LMNB1: variants seen among roughly 807,000 people sequenced by gnomAD.
LMNB1 encodes the protein lamin-B1.
Under a neutral mutation model 67.1 loss-of-function variants are expected in LMNB1, and 23 were observed. That is an observed-to-expected ratio of 0.34 (90% CI 0.25 to 0.49). The LOEUF is 0.49. Among genes scored for constraint, LMNB1 ranks in the 20% least tolerant of loss-of-function variants. The probability of loss-of-function intolerance (pLI) is 0.99; values close to 1 mark genes in which losing one functional copy is unlikely to be tolerated. For synonymous variants in LMNB1, 281 were observed against 282.9 expected, an observed-to-expected ratio of 0.99 and a Z score of 0.07; for missense variants, 634 against 746.5, an observed-to-expected ratio of 0.85 and a Z score of 1.76.
intron 1 of LMNB1, 62 bp from the exon 2 acceptor site, chr5:126,804,714 A>T (rs1751372814): frequency 2.1e-5 from 31 of 1,452,912 alleles, no homozygotes; most frequent in Non-Finnish European, 2.7e-5. Flanking sequence ...TTCAGCAGAG[A>T]GGGAGAAGAC....
At chr5:126,782,372 A>T (rs1288067645) in intron 1 of LMNB1, among the ~76,000 whole-genome samples, 1 of 152,168 alleles carries the variant, frequency 6.6e-6, no homozygotes, top group African/African-American at 2.4e-5. Context: ...GTTAGGGTAG[A>T]TAGAGTTAGC....
chr5:126,806,843 T>A (rs1411976608), intron 3 of LMNB1, among the ~76,000 whole-genome samples: 1 of 152,032 alleles, frequency 6.6e-6, no homozygotes, highest in Non-Finnish European at 1.5e-5. Flanking sequence ...AGTGGCATGA[T>A]CTTGGCTCAC....
At chr5:126,781,198 A>G (rs534135426) in intron 1 of LMNB1, among the ~76,000 whole-genome samples, 1 of 152,220 alleles carries the variant, frequency 6.6e-6, no homozygotes, top group African/African-American at 2.4e-5. Context: ...CTGAGGCAGG[A>G]GGCATTGCTT....
intron 1 of LMNB1, among the ~76,000 whole-genome samples, chr5:126,787,546 A>ATATATATATATATATTTTTTTTTTTT: frequency 1.5e-5 from 1 of 65,570 alleles, no homozygotes; most frequent in African/African-American, 6.6e-5. Flanking sequence ...ATATATATAT[A>ATATATATATATATATTTTTTTTTTTT]TTTTTTTTTT....
chr5:126,793,799 C>T (rs568086075), intron 1 of LMNB1, among the ~76,000 whole-genome samples: 5 of 152,024 alleles, frequency 3.3e-5, no homozygotes, highest in Non-Finnish European at 7.4e-5. Context: ...TCACTTAAAC[C>T]CGGAAGGCGG....
At chr5:126,786,279 C>T (rs1053541282) in intron 1 of LMNB1, among the ~76,000 whole-genome samples, 4 of 151,728 alleles carry the variant, frequency 2.6e-5, no homozygotes, top group African/African-American at 7.3e-5. Flanking sequence ...CCCGCCACTA[C>T]GCCCGGCTAA....
chr5:126,818,895 A>G, intron 5 of LMNB1, 27 bp from the exon 6 acceptor site: 1 of 1,519,122 alleles, frequency 6.6e-7, no homozygotes, highest in Non-Finnish European at 9.1e-7. Flanking sequence ...GTTCCTAGAA[A>G]GTAAATATGT....
intron 9 of LMNB1, 144 bp from the exon 10 acceptor site, chr5:126,832,549 CT>C: frequency 1.9e-6 from 1 of 519,674 alleles, no homozygotes; most frequent in Non-Finnish European, 3.6e-6. Flanking sequence ...ATCTGCCTGC[CT>C]TGGCCTCCCA....
At chr5:126,805,177 A>C (rs1005553170) in intron 2 of LMNB1, among the ~76,000 whole-genome samples, 7 of 152,162 alleles carry the variant, frequency 4.6e-5, no homozygotes, top group East Asian at 3.8e-4. Flanking sequence ...CCTATTGTGC[A>C]CACACTCATT....
intron 1 of LMNB1, among the ~76,000 whole-genome samples, chr5:126,794,023 C>G (rs1751029228): frequency 6.6e-6 from 1 of 152,072 alleles, no homozygotes; most frequent in African/African-American, 2.4e-5. Flanking sequence ...CTACCTCCAT[C>G]TCCTGGGTTC....
chr5:126,821,965 C>G (rs1751880802), intron 7 of LMNB1, among the ~76,000 whole-genome samples: 3 of 151,044 alleles, frequency 2.0e-5, no homozygotes, highest in Admixed American at 2.0e-4. Flanking sequence ...TAATGAGCAC[C>G]AACAGTTTTA....
At chr5:126,835,960 C>T (rs1264820048) in intron 10 of LMNB1, among the ~76,000 whole-genome samples, 1 of 152,094 alleles carries the variant, frequency 6.6e-6, no homozygotes, top group Non-Finnish European at 1.5e-5. Flanking sequence ...GCATGAGAAT[C>T]GCTTGAACCC....
chr5:126,787,455 TA>T (rs1750819729), intron 1 of LMNB1, among the ~76,000 whole-genome samples: 1 of 148,576 alleles, frequency 6.7e-6, no homozygotes, highest in East Asian at 1.9e-4. Context: ...ATGTTATATA[TA>T]ACATATACTT....
intron 1 of LMNB1, among the ~76,000 whole-genome samples, chr5:126,803,882 T>C (rs938719399): frequency 6.6e-6 from 1 of 152,166 alleles, no homozygotes; most frequent in Non-Finnish European, 1.5e-5. Context: ...GTTGGTTTTA[T>C]AAACTGAAAT....
intron 1 of LMNB1, among the ~76,000 whole-genome samples, chr5:126,798,425 G>A (rs1751166492): frequency 6.6e-6 from 1 of 152,162 alleles, no homozygotes; most frequent in Non-Finnish European, 1.5e-5. Flanking sequence ...ACTCCAGCCT[G>A]GGCCACAGAG....
At chr5:126,810,053 T>C in intron 3 of LMNB1, 127 bp from the exon 4 acceptor site, 1 of 781,182 alleles carries the variant, frequency 1.3e-6, no homozygotes, top group East Asian at 2.6e-5. Context: ...TTTATTCACA[T>C]GACCGCCTGA....
intron 5 of LMNB1, among the ~76,000 whole-genome samples, chr5:126,812,989 A>C (rs949106276): frequency 1.3e-5 from 2 of 152,152 alleles, no homozygotes; most frequent in African/African-American, 4.8e-5. Context: ...TCGGCTTCCC[A>C]GAGTGCTGGG....
At chr5:126,791,876 G>A (rs1032429511) in intron 1 of LMNB1, among the ~76,000 whole-genome samples, 3 of 151,310 alleles carry the variant, frequency 2.0e-5, no homozygotes, top group South Asian at 2.1e-4. Flanking sequence ...CTCTGCCTCC[G>A]TGTTCAAGTG....
chr5:126,795,130 C>CTTTTTTTTTTTTTT (rs55837872), intron 1 of LMNB1, among the ~76,000 whole-genome samples: 65 of 128,924 alleles, frequency 5.0e-4, no homozygotes, highest in Non-Finnish European at 5.7e-4. Context: ...ATTCCTTTTC[C>CTTTTTTTTTTTTTT]TTTTTTTTTT....
Sources: gnomAD v4.1 joint callset for allele counts (sites outside exome capture counted in the v4.1 genomes callset) on GRCh38, gnomAD v4.1.1 for gene constraint, MANE v1.5 for transcripts, NCBI Gene and HGNC (gene_info 2026-07-23, HGNC 2026-07-21) for gene names.